ZSCAN18: variants seen among roughly 807,000 people sequenced by gnomAD.
ZSCAN18 encodes the protein zinc finger and SCAN domain-containing protein 18.
A neutral mutation model predicts 31.1 loss-of-function variants in ZSCAN18; 16 were observed. That is an observed-to-expected ratio of 0.51 (90% CI 0.35 to 0.78). The LOEUF (loss-of-function observed/expected upper bound fraction) is 0.78. Among genes scored for constraint, ZSCAN18 ranks in the 30% least tolerant of loss-of-function variants. The pLI, the probability that ZSCAN18 is intolerant of heterozygous loss-of-function variation, is 0.01. For missense variants in ZSCAN18, 731 were observed against 697.4 expected (o/e 1.05, Z -0.54); for synonymous variants, 375 against 320.7 (o/e 1.17, Z -1.81).
intron 2 of ZSCAN18, among the ~76,000 whole-genome samples, chr19:58,089,098 T>C (rs2145978286): frequency 6.7e-6 from 1 of 149,986 alleles, no homozygotes; most frequent in East Asian, 2.0e-4. Context: ...GGTCAGGAGA[T>C]CGAGGCCATC....
Position 58,088,728 on chromosome 19 carries a change from C to G in ZSCAN18, c.513G>C (p.Gln171His). 6.2e-7 allele frequency: 1 copy of G among 1,607,492 alleles called. No homozygotes were observed. Among genetic ancestry groups the G allele is most frequent in the Non-Finnish European group, 8.5e-7 (1 of 1,179,882 alleles). The change falls in exon 3 of 7, where the codon CAG becomes CAC. Residue 171 changes from glutamine to histidine, a missense_variant. Gln to His is a conservative substitution (Grantham distance 24). This residue lies in a region of ZSCAN18 where 597 missense variants were observed against 499.5 expected (regional missense o/e 1.20). Coordinates refer to ENST00000601144, the MANE Select transcript of ZSCAN18 (RefSeq NM_001145543.2). ...LLPGELASPS[Q>H]ALGAGEIPAP... ...CCGGGATCTCCCCAGCTCCAAGGGC[C>G]TGGCTGGGGCTCGCGAGCTCGCCTG... is the stretch of plus-strand genomic sequence containing the variant.
intron 1 of ZSCAN18, chr19:58,092,749 C>T: frequency 1.0e-6 from 1 of 978,436 alleles, no homozygotes; most frequent in Non-Finnish European, 1.2e-6. Flanking sequence ...GTGCCATCAT[C>T]ACCACCACCA....
chr19:58,087,157 C>A, intron 4 of ZSCAN18, 149 bp from the exon 5 acceptor site: 1 of 1,011,748 alleles, frequency 9.9e-7, no homozygotes, highest in South Asian at 1.6e-5. Flanking sequence ...CCCTTCGCAC[C>A]ACAAAGATTC....
upstream of ZSCAN18, chr19:58,098,294 A>G: frequency 1.0e-6 from 1 of 985,428 alleles, no homozygotes; most frequent in Non-Finnish European, 1.2e-6. Context: ...CAATGCCGCG[A>G]GGCTGTGCCG....
rs559739415 is a variant in ZSCAN18 at position 58,104,262 on chromosome 19, C to G, written c.131-13876G>C. Among the ~76,000 whole-genome samples the G allele has an allele frequency of 3.9e-5, 6 of 152,192 alleles. No homozygotes were observed. The South Asian group carries it at 1.2e-3, about 32-fold the overall frequency. On this transcript the variant is annotated intron_variant, in intron 1 of 1. Coordinates refer to the ZSCAN18 transcript ENST00000595721. ...GGCATGGTGGCGTGCGCCTGTAGTC[C>G]CAGCTACTCAGGAGTCTGAGGCAGG...
At position 58,098,222 on chromosome 19, in the gene ZSCAN18, G is replaced by A. The variant is rs1371159829; in HGVS notation, c.-168C>T. On this transcript the variant is annotated 5_prime_UTR_variant, in exon 1 of 7. Coordinates refer to ENST00000601144, the MANE Select transcript of ZSCAN18 (RefSeq NM_001145543.2). ...GGTCCCAGCCGCCCGGAGCCCCAGT[G>A]CGCGATGGCGGCCGGCAAACTGCGC... 2 of 985,370 alleles carry A rather than the reference G, an allele frequency of 2.0e-6. No homozygotes were observed. The highest frequency in any genetic ancestry group is 2.4e-6 in the Non-Finnish European group (2 of 829,992). 61.0% of individuals were successfully genotyped at this position (985,370 alleles called of 1,614,324 possible).
In ZSCAN18 at chr19:58,090,594, A is replaced by C; in HGVS notation, c.-119-208T>G. ...GTAACTCATTCTGTGCATTACCAGA[A>C]TTTTTTTTTCTTTGAGACCGAGTCA... On this transcript the variant is annotated intron_variant, in intron 1 of 6. Transcript: ENST00000601144. The surrounding 1 kb of genome is among the most constrained non-coding windows in gnomAD (Gnocchi z 4.7). The C allele has an allele frequency of 2.2e-6, 1 of 455,816 alleles. No individual in the cohort carries two copies. Among genetic ancestry groups the C allele is most frequent in the South Asian group, 5.9e-5 (1 of 16,858 alleles). 28.2% of individuals were successfully genotyped at this position (455,816 alleles called of 1,614,324 possible).
intron 1 of ZSCAN18, among the ~76,000 whole-genome samples, chr19:58,117,729 A>AG (rs2074742474): frequency 6.6e-6 from 1 of 151,022 alleles, no homozygotes; most frequent in African/African-American, 2.4e-5. Context: ...GAAAAAAAAA[A>AG]AAAGAGAATA....
rs1435928828 is a variant in ZSCAN18, at chr19:58,086,905, C to A, written c.745+1G>T. 6.2e-7 allele frequency: 1 copy of A among 1,613,118 alleles called. No individual in the cohort carries two copies. ...GTGACCCCGAGGCAGGCGACTCTCA[C>A]CCCACAGGAGCAGCTTCCGGTAGCT... On this transcript the variant is annotated splice_donor_variant, in intron 5 of 6. Coordinates refer to ENST00000601144, the MANE Select transcript of ZSCAN18 (RefSeq NM_001145543.2). LOFTEE classifies it high-confidence loss of function.
At chr19:58,088,453 A>ATTGATGTTT (rs2074330959) in intron 3 of ZSCAN18, 1 of 491,536 alleles carries the variant, frequency 2.0e-6, no homozygotes, top group Non-Finnish European at 3.7e-6. Flanking sequence ...TTCTTTATGT[A>ATTGATGTTT]TTGATGTTTC....
chr19:58,093,638 T>C (rs542779507), intron 1 of ZSCAN18, among the ~76,000 whole-genome samples: 1 of 152,326 alleles, frequency 6.6e-6, no homozygotes, highest in Admixed American at 6.5e-5. Flanking sequence ...TACAGCTCTT[T>C]CTGTCAACCA....
chr19:58,114,476 T>C (rs1214807422), intron 1 of ZSCAN18, among the ~76,000 whole-genome samples: 1 of 152,116 alleles, frequency 6.6e-6, no homozygotes, highest in Non-Finnish European at 1.5e-5. Flanking sequence ...TAAATATATA[T>C]ACATGTAGAC....
chr19:58,107,911 A>G (rs1447555726), intron 1 of ZSCAN18: 29 of 1,075,386 alleles, frequency 2.7e-5, no homozygotes, highest in Middle Eastern at 3.1e-4. Flanking sequence ...GCTTTGCCAC[A>G]CCGATTACAC....
At chr19:58,103,990 A>C (rs2074614242) in intron 1 of ZSCAN18, among the ~76,000 whole-genome samples, 1 of 152,228 alleles carries the variant, frequency 6.6e-6, no homozygotes, top group African/African-American at 2.4e-5. Context: ...CCCAAAGAGA[A>C]CTAACATTCT....
At chr19:58,102,718 G>C (rs140904500), upstream of ZSCAN18, among the ~76,000 whole-genome samples, 47 of 152,098 alleles carry the variant, frequency 3.1e-4, no homozygotes, top group African/African-American at 1.1e-3. Context: ...TTTTCCTTGA[G>C]AGTTGTATTT....
chr19:58,117,172 G>T (rs2074736905), intron 1 of ZSCAN18, among the ~76,000 whole-genome samples: 1 of 152,214 alleles, frequency 6.6e-6, no homozygotes, highest in Non-Finnish European at 1.5e-5. Flanking sequence ...ACGATGTGGG[G>T]ATTGGGGAAA....
At chr19:58,099,577 G>T (rs533710731), upstream of ZSCAN18, among the ~76,000 whole-genome samples, 2 of 152,052 alleles carry the variant, frequency 1.3e-5, no homozygotes, top group Non-Finnish European at 2.9e-5. Flanking sequence ...TTCTGTGAAC[G>T]TAAGTTTTCA....
intron 1 of ZSCAN18, among the ~76,000 whole-genome samples, chr19:58,094,639 A>C (rs2074485685): frequency 6.6e-6 from 1 of 151,964 alleles, no homozygotes; most frequent in Admixed American, 6.6e-5. Flanking sequence ...GCACTTTGGG[A>C]GGCCACGGTA....
At chr19:58,112,019 TTTAC>T (rs1294899903) in intron 1 of ZSCAN18, among the ~76,000 whole-genome samples, 3 of 151,922 alleles carry the variant, frequency 2.0e-5, no homozygotes, top group African/African-American at 7.3e-5. Context: ...CCTGCCTTTC[TTTAC>T]TTTTTATTTT....
Sources: allele counts gnomAD v4.1 joint callset (sites outside exome capture counted in the v4.1 genomes callset), GRCh38; gene constraint gnomAD v4.1.1; regional missense constraint gnomAD v4.1.1; non-coding constraint Gnocchi (gnomAD v3.1); transcripts MANE v1.5; gene names NCBI Gene and HGNC (gene_info 2026-07-23, HGNC 2026-07-21).